The following VSIG4 variants were observed in gnomAD, a reference collection of about 807,000 sequenced individuals.
VSIG4 encodes V-set and immunoglobulin domain-containing protein 4.
In VSIG4, 34 loss-of-function variants were observed where a neutral mutation model predicts 23.4. The ratio of observed to expected loss-of-function variants is 1.45; its 90% CI spans 1.10 to 1.93. VSIG4 has a LOEUF of 1.93. Ranked by LOEUF, VSIG4 falls within the 30% of genes most tolerant of loss-of-function variation. The pLI is 0.00. For missense variants in VSIG4, 433 were observed against 310.8 expected (o/e 1.39, Z -2.96); for synonymous variants, 169 against 120.3 (o/e 1.41, Z -2.65).
chrX:66,031,818 C>T (rs1158183045), intron 3 of VSIG4, among the ~76,000 whole-genome samples: 1 of 111,459 alleles, frequency 9.0e-6, no homozygotes, highest in Non-Finnish European at 1.9e-5. Context: ...AACAAGAGCC[C>T]ATCTTAAAGG....
chrX:66,027,292 C>T (rs990142830), intron 5 of VSIG4, among the ~76,000 whole-genome samples, 157 bp downstream of exon 5: 4 of 112,110 alleles, frequency 3.6e-5, no homozygotes, highest in Non-Finnish European at 7.5e-5. Flanking sequence ...ACATCCTACC[C>T]ACTTTACCCA....
rs1254119432 is a variant in VSIG4, at chrX:66,022,855, G to A, written c.948C>T (p.Val316=). The A allele has an allele frequency of 4.1e-6, 5 of 1,211,600 alleles. No homozygotes were observed. Among genetic ancestry groups the A allele is most frequent in the Non-Finnish European group, 5.6e-6 (5 of 895,350 alleles). ...LCRKTSQQEH[V]YEAARAHARE... ...GACTTTCTTACCTGGCTGCTTCGTA[G>A]ACATGCTCTAGAAAAAAAGGAGGAA... is the stretch of plus-strand genomic sequence containing the variant. Residue 316 remains valine, a synonymous_variant, in exon 7 of 8, where the codon GTC becomes GTT. Coordinates refer to ENST00000374737, the MANE Select transcript of VSIG4 (RefSeq NM_007268.3).
chrX:66,035,072 G>A (rs2085520541), intron 1 of VSIG4, among the ~76,000 whole-genome samples: 1 of 111,035 alleles, frequency 9.0e-6, no homozygotes, highest in Non-Finnish European at 1.9e-5. Context: ...AGAATATACT[G>A]TCCAGCATCA....
chrX:66,025,219 T>A, intron 5 of VSIG4, 90 bp from the exon 6 acceptor site: 1 of 586,300 alleles, frequency 1.7e-6, no homozygotes, highest in Non-Finnish European at 2.5e-6. Context: ...AAGCCAGGCC[T>A]TTTTCTTTTT....
chrX:66,037,002 C>CATATAATATATA (rs2085581939), intron 1 of VSIG4, among the ~76,000 whole-genome samples: 2 of 12,842 alleles, frequency 1.6e-4, no homozygotes, highest in African/African-American at 7.6e-4. Context: ...TATAATATAT[C>CATATAATATATA]ATATAATATA....
chrX:66,026,683 G>T (rs1464870024), intron 5 of VSIG4, among the ~76,000 whole-genome samples: 1 of 112,225 alleles, frequency 8.9e-6, no homozygotes, highest in Admixed American at 9.4e-5. Flanking sequence ...CACAGGCAGA[G>T]AATGAGTACC....
chrX:66,033,941 C>G, intron 1 of VSIG4, 111 bp from the exon 2 acceptor site: 1 of 588,624 alleles, frequency 1.7e-6, no homozygotes, highest in Non-Finnish European at 2.7e-6. Context: ...ACTCAACTTT[C>G]TTTCTATCAC....
intron 1 of VSIG4, among the ~76,000 whole-genome samples, chrX:66,037,933 C>T (rs1367346395): frequency 4.6e-5 from 5 of 108,117 alleles, no homozygotes; most frequent in African/African-American, 1.7e-4. Context: ...CTTTATAAGA[C>T]CCATTCTAGG....
chrX:66,022,183 G>A lies in VSIG4; in HGVS notation c.*80C>T, dbSNP rs765270791. 6 of 1,208,744 alleles carry A rather than the reference G, an allele frequency of 5.0e-6. No individual in the cohort carries two copies. The highest frequency in any genetic ancestry group is 5.6e-6 in the Non-Finnish European group (5 of 894,470). ...CACTTTGGGCTATCCAGGAAGAGAGGTAGCAGGGAAGAAGGCCATGCAGAA... is the reference window on the plus strand; with the variant it reads ...CACTTTGGGCTATCCAGGAAGAGAGATAGCAGGGAAGAAGGCCATGCAGAA... On this transcript the variant is annotated 3_prime_UTR_variant, in exon 8 of 8. Transcript: ENST00000374737.
chrX:66,022,538 T>C, intron 7 of VSIG4, 38 bp from the exon 8 acceptor site: 2 of 1,196,640 alleles, frequency 1.7e-6, no homozygotes, highest in Non-Finnish European at 2.3e-6. Flanking sequence ...AGAAGGGACT[T>C]GGGGCTGTGG....
At position 66,032,519 on chromosome X, in the gene VSIG4, C is replaced by A. The variant is rs2085475433; in HGVS notation, c.643G>T (p.Gly215Cys). 1 of 1,210,153 alleles carries A rather than the reference C, an allele frequency of 8.3e-7. No individual in the cohort carries two copies. The highest frequency in any genetic ancestry group is 1.7e-5 in the African/African-American group (1 of 57,217). Reference protein sequence around the residue: ...DSGSYFCTAKGQVGSEQHSDI... With the variant: ...DSGSYFCTAKCQVGSEQHSDI... The stretch of plus-strand genomic sequence containing the variant: ...CTGTGCTGCTCAGAGCCAACCTGGC[C>A]CTTGGCAGTGCAGAAATAGGAGCCT... The change falls in exon 3 of 8, where the codon GGC (glycine) becomes TGC (cysteine). Residue 215 changes from glycine to cysteine, a missense_variant. By Grantham distance (159) the Gly-to-Cys change is radical. Transcript: ENST00000374737.
Position 66,021,937 on chromosome X carries a change from TG to T in VSIG4, c.*325del. ...GCTGAGCCTCCCTCGGGTCTTCTGG[TG>T]GCAAGATGCCAAAGTTGAATAGTGT... On this transcript the variant is annotated 3_prime_UTR_variant, in exon 8 of 8. Coordinates refer to ENST00000374737, the MANE Select transcript of VSIG4 (RefSeq NM_007268.3). The T allele has an allele frequency of 1.5e-6, 1 of 673,708 alleles. No individual in the cohort carries two copies. Among genetic ancestry groups the T allele is most frequent in the Non-Finnish European group, 2.2e-6 (1 of 462,157 alleles). 55.5% of individuals were successfully genotyped at this position (673,708 alleles called of 1,213,427 possible).
At chrX:66,036,990 A>ATATAATATATCATATAATATATCATATC (rs2085580478) in intron 1 of VSIG4, among the ~76,000 whole-genome samples, 1 of 23,518 alleles carries the variant, frequency 4.3e-5, no homozygotes, top group Non-Finnish European at 5.5e-5. Flanking sequence ...TATATCATAT[A>ATATAATATATCATATAATATATCATATC]ATATAATATA....
chrX:66,037,322 T>C (rs373949923), intron 1 of VSIG4, among the ~76,000 whole-genome samples: 1 of 5,220 alleles, frequency 1.9e-4, no homozygotes, highest in Non-Finnish European at 2.3e-4. Context: ...ATATAATATA[T>C]ATTATATAAT....
chrX:66,036,584 G>A (rs1342335150), intron 1 of VSIG4, among the ~76,000 whole-genome samples: 1 of 83,085 alleles, frequency 1.2e-5, no homozygotes, highest in African/African-American at 4.5e-5. Context: ...AATAATAAAG[G>A]AAGTAATATT....
intron 5 of VSIG4, among the ~76,000 whole-genome samples, chrX:66,026,280 G>A (rs1435634541): frequency 8.9e-6 from 1 of 112,015 alleles, no homozygotes; most frequent in East Asian, 2.8e-4. Flanking sequence ...TAGGAATCCA[G>A]TATTTGTGGT....
intron 5 of VSIG4, among the ~76,000 whole-genome samples, chrX:66,025,570 A>G (rs1171538596): frequency 8.9e-6 from 1 of 112,280 alleles, no homozygotes; most frequent in Non-Finnish European, 1.9e-5. Context: ...TTCTCAAAAC[A>G]TATTTCCACT....
At chrX:66,039,909 C>A (rs1226462690) in intron 1 of VSIG4, 35 bp downstream of exon 1, 2 of 1,208,117 alleles carry the variant, frequency 1.7e-6, no homozygotes, top group Non-Finnish European at 1.1e-6. Context: ...TTGCCTAAGC[C>A]AGCAATGGCA....
At chrX:66,038,927 A>T (rs1291157617) in intron 1 of VSIG4, among the ~76,000 whole-genome samples, 1 of 111,151 alleles carries the variant, frequency 9.0e-6, no homozygotes, top group Non-Finnish European at 1.9e-5. Context: ...GATGATAGGG[A>T]AGCAGCAAAA....
Sources: allele counts gnomAD v4.1 joint callset (sites outside exome capture counted in the v4.1 genomes callset), GRCh38; gene constraint gnomAD v4.1.1; transcripts MANE v1.5; gene names NCBI Gene and HGNC (gene_info 2026-07-23, HGNC 2026-07-21).